Variants in SEC22B observed in about 807,000 individuals in gnomAD.
SEC22B encodes the protein SEC22 homolog B, vesicle trafficking protein.
Under a neutral mutation model 31.4 loss-of-function variants are expected in SEC22B, and 10 were observed. The ratio of observed to expected loss-of-function variants is 0.32; its 90% CI spans 0.20 to 0.54. The LOEUF is 0.54. Among genes scored for constraint, SEC22B ranks in the 20% least tolerant of loss-of-function variants. SEC22B has a pLI of 0.94. For missense variants in SEC22B, 130 were observed against 263.4 expected (o/e 0.49, Z 3.50); for synonymous variants, 60 against 95.9 (o/e 0.63, Z 2.19).
intron 2 of SEC22B, among the ~76,000 whole-genome samples, chr1:120,168,349 TTTC>T (rs1329875037): frequency 3.9e-5 from 6 of 152,040 alleles, no homozygotes; most frequent in South Asian, 2.1e-4. Flanking sequence ...CTTTTATAAT[TTTC>T]TTTTTTCAAA....
At chr1:120,167,882 AAGTG>A (rs1433035276) in intron 2 of SEC22B, among the ~76,000 whole-genome samples, 2 of 152,112 alleles carry the variant, frequency 1.3e-5, no homozygotes, top group Non-Finnish European at 2.9e-5. Context: ...ACTAGATATT[AAGTG>A]AGTGACTATT....
intron 3 of SEC22B, among the ~76,000 whole-genome samples, chr1:120,161,407 T>C (rs1296845253): frequency 6.6e-6 from 1 of 151,776 alleles, no homozygotes; most frequent in Non-Finnish European, 1.5e-5. Context: ...TGAACTGAAG[T>C]CTCGGCCAGG....
chr1:120,151,959 A>C lies in SEC22B; in HGVS notation c.*5079T>G, dbSNP rs1420925187. 4 of 152,272 alleles carry C rather than the reference A, an allele frequency of 2.6e-5. No homozygotes were observed. The East Asian group carries it at 7.7e-4, about 29-fold the overall frequency. 9.4% of individuals were successfully genotyped at this position (152,272 alleles called of 1,614,324 possible). Reference sequence around the variant, plus strand: ...TGGCAGGTGACGCTTAAATACTAGAAATATAAGAAGCAGCACAGGTTTGGT... The same window carrying C: ...TGGCAGGTGACGCTTAAATACTAGACATATAAGAAGCAGCACAGGTTTGGT... On this transcript the variant is annotated 3_prime_UTR_variant, in exon 5 of 5. Transcript: ENST00000578049.
At chr1:120,159,617 T>C (rs1195637904) in intron 4 of SEC22B, among the ~76,000 whole-genome samples, 3 of 151,374 alleles carry the variant, frequency 2.0e-5, no homozygotes, top group Admixed American at 6.6e-5. Context: ...CACACATACA[T>C]GTAATATGTG....
Position 120,150,918 on chromosome 1 carries a change from A to ATT in SEC22B, c.*6119_*6120insAA, listed in dbSNP as rs1362616005. 1 of 152,188 alleles carries ATT rather than the reference A, an allele frequency of 6.6e-6. No homozygotes were observed. The highest frequency in any genetic ancestry group is 6.5e-5 in the Admixed American group (1 of 15,282). 9.4% of individuals were successfully genotyped at this position (152,188 alleles called of 1,614,324 possible). On this transcript the variant is annotated 3_prime_UTR_variant, in exon 5 of 5. Transcript: ENST00000578049. The stretch of plus-strand genomic sequence containing the variant: ...AGTTTGTGCAAACAAAAAGCGCAAA[A>ATT]TAGAAGAGGCAGCATTGTTTTATAA...
chr1:120,160,247 A>G, intron 4 of SEC22B, 137 bp downstream of exon 4: 1 of 541,800 alleles, frequency 1.8e-6, no homozygotes, highest in Non-Finnish European at 3.1e-6. Context: ...GAAGCATTGT[A>G]ATGTAATGTA....
chr1:120,160,814 G>C, intron 3 of SEC22B, among the ~76,000 whole-genome samples: 1 of 151,232 alleles, frequency 6.6e-6, no homozygotes, highest in East Asian at 2.0e-4. Context: ...ACTTGAACTT[G>C]GGAGGCAGAG....
At chr1:120,162,819 A>T (rs1176954452) in intron 3 of SEC22B, among the ~76,000 whole-genome samples, 4 of 152,046 alleles carry the variant, frequency 2.6e-5, no homozygotes, top group African/African-American at 9.7e-5. Context: ...TGATTTCCCA[A>T]TTCTGATCTC....
chr1:120,160,480 T>C lies in SEC22B; in HGVS notation c.397A>G (p.Arg133Gly). 2 of 1,609,228 alleles carry C rather than the reference T, an allele frequency of 1.2e-6. No individual in the cohort carries two copies. Among genetic ancestry groups the C allele is most frequent in the Non-Finnish European group, 8.5e-7 (1 of 1,177,372 alleles). ...KKLYIDSRAR[R>G]NLGSINTELQ... ...TCAGTGTTGATGGAGCCTAGATTTC[T>C]TCGAGCACGACTGTCAATGTAGAGC... The change falls in exon 4 of 5, where the codon AGA becomes GGA. Residue 133 changes from arginine to glycine, a missense_variant. Coordinates refer to ENST00000578049, the MANE Select transcript of SEC22B (RefSeq NM_004892.6).
chr1:120,176,068 T>C (rs1657955757), intron 1 of SEC22B, among the ~76,000 whole-genome samples: 1 of 152,194 alleles, frequency 6.6e-6, no homozygotes, highest in East Asian at 1.9e-4. Flanking sequence ...AAGCTACCAC[T>C]TCTCCAGAGC....
chr1:120,176,241 T>G, intron 1 of SEC22B, 66 bp downstream of exon 1: 1 of 1,489,186 alleles, frequency 6.7e-7, no homozygotes, highest in South Asian at 1.2e-5. Context: ...TAGGAAGGAA[T>G]CCGATGCTGA....
At chr1:120,169,200 A>T (rs1281852680) in intron 1 of SEC22B, among the ~76,000 whole-genome samples, 2,047 of 152,356 alleles carry the variant, frequency 0.013, 17 homozygotes, top group Non-Finnish European at 0.017. Context: ...AGCACTCTTA[A>T]CTTTCAATCC....
In SEC22B at chr1:120,153,903, T is replaced by A. The variant is rs1339272735; in HGVS notation, c.*3135A>T. ...ATACCTTTCATCAGATTTTCAAAGG[T>A]TTCTCAAAATGCTCAAGAACCATTG... On this transcript the variant is annotated 3_prime_UTR_variant, in exon 5 of 5. Transcript: ENST00000578049. 1.3e-5 allele frequency: 2 copies of A among 151,228 alleles called. No homozygotes were observed. The highest frequency in any genetic ancestry group is 4.9e-5 in the African/African-American group (2 of 40,880). The allele number at this position is 151,228 out of a possible 1,614,324, so 9.4% of individuals were successfully genotyped here.
In SEC22B at chr1:120,156,771, A is replaced by G. The variant is rs2101126197; in HGVS notation, c.*267T>C. On this transcript the variant is annotated 3_prime_UTR_variant, in exon 5 of 5. Transcript: ENST00000578049. The stretch of plus-strand genomic sequence containing the variant: ...TTTTAAAATGCACTGGGAGGGAAAA[A>G]ACGAAATTAACAATCTACTATTCCC... 3.6e-6 allele frequency: 1 copy of G among 280,252 alleles called. No homozygotes were observed. The highest frequency in any genetic ancestry group is 1.7e-4 in the South Asian group (1 of 6,054). The allele number at this position is 280,252 out of a possible 1,614,324, so 17.4% of individuals were successfully genotyped here.
chr1:120,163,732 T>C (rs1432529988), intron 2 of SEC22B, among the ~76,000 whole-genome samples: 4 of 151,276 alleles, frequency 2.6e-5, no homozygotes, highest in Non-Finnish European at 5.9e-5. Flanking sequence ...TGCGCCACTA[T>C]GCCCAGCTAA....
At chr1:120,159,317 G>C (rs1184137861) in intron 4 of SEC22B, 1 of 152,014 alleles carries the variant, frequency 6.6e-6, no homozygotes, top group Non-Finnish European at 1.5e-5. Flanking sequence ...GTAGCCCCAG[G>C]TACTCAGGAG....
rs1482949969 is a variant in SEC22B, at chr1:120,157,015, T to C, written c.*23A>G. 7 of 1,096,372 alleles carry C rather than the reference T, an allele frequency of 6.4e-6. No individual in the cohort carries two copies. Among genetic ancestry groups the C allele is most frequent in the Non-Finnish European group, 9.0e-6 (7 of 779,906 alleles). 67.9% of individuals were successfully genotyped at this position (1,096,372 alleles called of 1,614,324 possible). A position where few individuals can be genotyped will look rare whatever the true frequency, so the allele number is the denominator to read the frequency against. On this transcript the variant is annotated 3_prime_UTR_variant, in exon 5 of 5. Coordinates refer to ENST00000578049, the MANE Select transcript of SEC22B (RefSeq NM_004892.6). ...ACCTACTGGGTTCTAGGTTCTCCCT[T>C]ACCAGTGACTGTATTCATTATTTCA...
Position 120,153,182 on chromosome 1 carries a change from A to C in SEC22B, c.*3856T>G, listed in dbSNP as rs587627043. 2.6e-5 allele frequency: 4 copies of C among 151,396 alleles called. No individual in the cohort carries two copies. The allele number at this position is 151,396 out of a possible 1,614,324, so 9.4% of individuals were successfully genotyped here. On this transcript the variant is annotated 3_prime_UTR_variant, in exon 5 of 5. Coordinates refer to ENST00000578049, the MANE Select transcript of SEC22B (RefSeq NM_004892.6). ...ATGTGAGATTCAATATGCTCATTCT[A>C]TCTCAAACTCTGTCACACATACAAT...
In SEC22B at chr1:120,163,258, C is replaced by T; in HGVS notation, c.298G>A (p.Gly100Arg). ...DLHSEFDEQH[G>R]KKVPTVSRPY... ...CGGGACACAGTGGGCACCTTCTTTC[C>T]ATGCTGTTCATCAAATTCTGAGTGC... The change falls in exon 3 of 5, where the codon GGA becomes AGA. Residue 100 changes from glycine to arginine, a missense_variant. Coordinates refer to ENST00000578049, the MANE Select transcript of SEC22B (RefSeq NM_004892.6). The T allele has an allele frequency of 1.3e-6, 2 of 1,595,824 alleles. No individual in the cohort carries two copies. Among genetic ancestry groups the T allele is most frequent in the Non-Finnish European group, 1.7e-6 (2 of 1,167,910 alleles).
Sources: gnomAD v4.1 joint callset for allele counts (sites outside exome capture counted in the v4.1 genomes callset) on GRCh38, gnomAD v4.1.1 for gene constraint, MANE v1.5 for transcripts, NCBI Gene and HGNC (gene_info 2026-07-23, HGNC 2026-07-21) for gene names.